The following MALRD1 variants were observed in gnomAD, a reference collection of about 807,000 sequenced individuals.
MALRD1 encodes the protein MAM and LDL receptor class A domain containing 1.
Under a neutral mutation model 242.1 loss-of-function variants are expected in MALRD1, and 247 were observed. The observed-to-expected ratio is 1.02, with a 90% CI of 0.92 to 1.13. The LOEUF (loss-of-function observed/expected upper bound fraction) is 1.13. Among genes scored for constraint, MALRD1 ranks in the 50% most tolerant of loss-of-function variants. The pLI is 0.00. For missense variants in MALRD1, 2,989 were observed against 2,533.1 expected, an observed-to-expected ratio of 1.18 and a Z score of -3.86; for synonymous variants, 995 against 866.6, an observed-to-expected ratio of 1.15 and a Z score of -2.60.
intron 11 of MALRD1, among the ~76,000 whole-genome samples, chr10:19,151,403 T>C (rs1330498257): frequency 6.6e-6 from 1 of 152,130 alleles, no homozygotes; most frequent in Non-Finnish European, 1.5e-5. Flanking sequence ...CTTGCTAATT[T>C]TATTTATCAT....
chr10:19,342,203 A>G (rs1283191503), intron 24 of MALRD1, among the ~76,000 whole-genome samples: 1 of 152,170 alleles, frequency 6.6e-6, no homozygotes, highest in Non-Finnish European at 1.5e-5. Flanking sequence ...CACAGTGTAC[A>G]CTGCCTCTGG....
intron 26 of MALRD1, among the ~76,000 whole-genome samples, chr10:19,359,705 A>G (rs1844804737): frequency 6.6e-6 from 1 of 152,058 alleles, no homozygotes; most frequent in South Asian, 2.1e-4. Context: ...AGGTAGGAGA[A>G]CATAAAAAGA....
rs1835103399 is a variant in MALRD1 at position 19,173,630 on chromosome 10, A to G, written c.1831-1578A>G. 2.0e-5 allele frequency among the ~76,000 whole-genome samples: 3 copies of G among 152,134 alleles called. No homozygotes were observed. The South Asian group carries it at 6.2e-4, about 31-fold the overall frequency. On this transcript the variant is annotated intron_variant, in intron 13 of 39. Coordinates refer to ENST00000454679, the MANE Select transcript of MALRD1 (RefSeq NM_001142308.3). ...TCTTATACTCCGTTAACACCCATCA[A>G]CATTTTCTAAACACACAATACACTT...
chr10:19,665,835 G>A (rs761856038), intron 36 of MALRD1, among the ~76,000 whole-genome samples: 16 of 151,280 alleles, frequency 1.1e-4, no homozygotes, highest in African/African-American at 1.9e-4. Flanking sequence ...TTGGATCTCC[G>A]GCTCTGTGGT....
At chr10:19,448,304 C>G (rs1835116879) in intron 28 of MALRD1, among the ~76,000 whole-genome samples, 1 of 152,070 alleles carries the variant, frequency 6.6e-6, no homozygotes, top group Admixed American at 6.6e-5. Flanking sequence ...CCTAAATCTT[C>G]TCTAGTCTAC....
intron 28 of MALRD1, among the ~76,000 whole-genome samples, chr10:19,406,778 A>G (rs960087660): frequency 6.6e-6 from 1 of 152,174 alleles, no homozygotes; most frequent in African/African-American, 2.4e-5. Flanking sequence ...TAATGACCCT[A>G]TCTCACAGAA....
chr10:19,625,780 G>A (rs2131634978), intron 36 of MALRD1, among the ~76,000 whole-genome samples: 1 of 152,224 alleles, frequency 6.6e-6, no homozygotes. Flanking sequence ...GTATCTAAGT[G>A]GGAGCCACTA....
chr10:19,253,056 A>G (rs1839363254), intron 18 of MALRD1, among the ~76,000 whole-genome samples: 1 of 152,024 alleles, frequency 6.6e-6, no homozygotes, highest in African/African-American at 2.4e-5. Context: ...ATAAGAATTT[A>G]CTTAACACCT....
At chr10:19,578,045 G>T (rs918944451) in intron 33 of MALRD1, among the ~76,000 whole-genome samples, 1 of 152,152 alleles carries the variant, frequency 6.6e-6, no homozygotes, top group Non-Finnish European at 1.5e-5. Flanking sequence ...TATGTTGTTT[G>T]CTGGAAAGCG....
chr10:19,398,799 G>A (rs983816719), intron 28 of MALRD1, among the ~76,000 whole-genome samples: 82 of 152,250 alleles, frequency 5.4e-4, no homozygotes, highest in African/African-American at 1.9e-3. Flanking sequence ...ATATAAAAAA[G>A]CAATTCCAGT....
chr10:19,366,482 A>G (rs1373915541), intron 26 of MALRD1, among the ~76,000 whole-genome samples: 1 of 152,100 alleles, frequency 6.6e-6, no homozygotes, highest in African/African-American at 2.4e-5. Context: ...CCAGTTCCTA[A>G]CAGGCTATGG....
At chr10:19,088,339 C>A (rs1835747854) in intron 4 of MALRD1, among the ~76,000 whole-genome samples, 154 bp downstream of exon 4, 1 of 151,994 alleles carries the variant, frequency 6.6e-6, no homozygotes, top group Non-Finnish European at 1.5e-5. Flanking sequence ...ACATCTCAGG[C>A]AATTTGGGAT....
chr10:19,328,758 T>G (rs916610372), intron 23 of MALRD1, among the ~76,000 whole-genome samples: 3 of 152,092 alleles, frequency 2.0e-5, no homozygotes, highest in African/African-American at 7.2e-5. Context: ...TTTAGATAAT[T>G]TAGGATATGC....
In MALRD1 at chr10:19,498,947, T is replaced by A. The variant is rs552009971; in HGVS notation, c.5320+301T>A. The stretch of plus-strand genomic sequence containing the variant: ...TTGGAGGAGGGTAGGTGGGTGGCAT[T>A]CAGATTAATGATTGCAATATGCAAA... On this transcript the variant is annotated intron_variant, in intron 31 of 39. Coordinates refer to ENST00000454679, the MANE Select transcript of MALRD1 (RefSeq NM_001142308.3). Among the ~76,000 whole-genome samples the A allele has an allele frequency of 2.1e-3, 322 of 152,254 alleles. 2 individuals are homozygous for A. The highest frequency in any genetic ancestry group is 3.9e-3 in the Non-Finnish European group (262 of 68,002).
At chr10:19,469,887 C>T (rs1836409359) in intron 29 of MALRD1, among the ~76,000 whole-genome samples, 1 of 152,012 alleles carries the variant, frequency 6.6e-6, no homozygotes, top group African/African-American at 2.4e-5. Context: ...TCACCATTGT[C>T]AAGGCCATAG....
At chr10:19,324,616 A>AG (rs929819548) in intron 22 of MALRD1, among the ~76,000 whole-genome samples, 3 of 151,900 alleles carry the variant, frequency 2.0e-5, no homozygotes, top group African/African-American at 7.3e-5. Context: ...TTTTAAAAAA[A>AG]AACGAGTTGT....
chr10:19,600,940 A>G (rs1012474825), intron 34 of MALRD1, among the ~76,000 whole-genome samples: 8 of 152,082 alleles, frequency 5.3e-5, no homozygotes, highest in Admixed American at 2.0e-4. Flanking sequence ...GTTGGAGTAC[A>G]GTGGCACAGT....
At chr10:19,123,797 G>A (rs988704088) in intron 6 of MALRD1, among the ~76,000 whole-genome samples, 2 of 152,174 alleles carry the variant, frequency 1.3e-5, no homozygotes, top group African/African-American at 2.4e-5. Context: ...TAAAGCCACT[G>A]TGGAATGATA....
chr10:19,324,935 G>A (rs1392580476), intron 22 of MALRD1, among the ~76,000 whole-genome samples: 4 of 145,444 alleles, frequency 2.8e-5, no homozygotes, highest in Non-Finnish European at 4.5e-5. Flanking sequence ...TTTGCCAAGA[G>A]ATATTTTAAG....
Sources: allele counts gnomAD v4.1 joint callset (sites outside exome capture counted in the v4.1 genomes callset), GRCh38; gene constraint gnomAD v4.1.1; transcripts MANE v1.5; gene names NCBI Gene and HGNC (gene_info 2026-07-23, HGNC 2026-07-21).